Variants in ERC2 observed in about 807,000 individuals in gnomAD.
The protein encoded by ERC2 is ELKS/RAB6-interacting/CAST family member 2.
A neutral mutation model predicts 114.8 loss-of-function variants in ERC2; 42 were observed. The observed-to-expected ratio is 0.37, with a 90% CI of 0.29 to 0.47. The LOEUF (loss-of-function observed/expected upper bound fraction) is 0.47, where lower values mean the gene tolerates loss of function less well. Ranked by LOEUF, ERC2 falls within the 20% of genes least tolerant of loss-of-function variation. The probability of loss-of-function intolerance (pLI) is 0.99; values close to 1 mark genes in which losing one functional copy is unlikely to be tolerated. For synonymous variants in ERC2, 454 were observed against 425.5 expected, an observed-to-expected ratio of 1.07 and a Z score of -0.82; for missense variants, 939 against 1,150.7, an observed-to-expected ratio of 0.82 and a Z score of 2.66.
chr3:55,650,742 A>G (rs2060583432), intron 17 of ERC2, among the ~76,000 whole-genome samples: 1 of 152,186 alleles, frequency 6.6e-6, no homozygotes, highest in African/African-American at 2.4e-5. Context: ...ACCCCTTCAA[A>G]GTCCATGTCA....
chr3:56,168,557 T>C (rs1248692334), intron 4 of ERC2, among the ~76,000 whole-genome samples: 1 of 152,176 alleles, frequency 6.6e-6, no homozygotes, highest in Non-Finnish European at 1.5e-5. Flanking sequence ...AAGTTCATAA[T>C]GGGTATTGGG....
Position 56,144,525 on chromosome 3 carries a change from A to T in ERC2, c.1305+4452T>A, listed in dbSNP as rs1041781368. Among the ~76,000 whole-genome samples, 30 of 152,156 alleles carry T rather than the reference A, an allele frequency of 2.0e-4. 1 individual carries two copies. Among genetic ancestry groups the T allele is most frequent in the Admixed American group, 2.0e-3 (30 of 15,274 alleles). On this transcript the variant is annotated intron_variant, in intron 5 of 17. Transcript: ENST00000288221. ...GCAAAGATGATGTTTATAGTGAAAA[A>T]ACCGATTCGTGCTAACTTCTACAAA...
intron 13 of ERC2, among the ~76,000 whole-genome samples, chr3:55,949,361 C>G (rs1279960539): frequency 6.6e-6 from 1 of 151,608 alleles, no homozygotes; most frequent in Non-Finnish European, 1.5e-5. Flanking sequence ...CAGGGGGAGA[C>G]TCCATCTCAA....
chr3:56,395,630 G>A (rs2060278412), intron 2 of ERC2, among the ~76,000 whole-genome samples: 1 of 152,144 alleles, frequency 6.6e-6, no homozygotes, highest in African/African-American at 2.4e-5. Flanking sequence ...CATGTGATGT[G>A]CCCCTTTTCC....
intron 7 of ERC2, among the ~76,000 whole-genome samples, chr3:56,048,251 C>A (rs2075578565): frequency 6.6e-6 from 1 of 152,152 alleles, no homozygotes; most frequent in Admixed American, 6.5e-5. Context: ...AAGCCAAGAG[C>A]AAGATCTCCC....
intron 12 of ERC2, among the ~76,000 whole-genome samples, chr3:55,972,157 C>T (rs1576410230): frequency 6.6e-6 from 1 of 152,028 alleles, no homozygotes; most frequent in East Asian, 1.9e-4. Flanking sequence ...GCATTGAGAA[C>T]ACAAAAACAA....
chr3:56,060,178 C>T (rs2076188219), intron 7 of ERC2, among the ~76,000 whole-genome samples: 1 of 152,190 alleles, frequency 6.6e-6, no homozygotes, highest in Non-Finnish European at 1.5e-5. Flanking sequence ...TATGTTTGCT[C>T]AATGAACACA....
chr3:55,943,587 T>C (rs1054616232), intron 13 of ERC2, among the ~76,000 whole-genome samples: 5 of 152,192 alleles, frequency 3.3e-5, no homozygotes, highest in East Asian at 1.9e-4. Context: ...CACTGAACAA[T>C]TGTCTGACTC....
chr3:56,165,704 G>A (rs2082290185), intron 4 of ERC2, among the ~76,000 whole-genome samples: 1 of 151,892 alleles, frequency 6.6e-6, no homozygotes, highest in African/African-American at 2.4e-5. Flanking sequence ...ACCAGTGTAA[G>A]TGATATTGTT....
chr3:56,101,642 C>G (rs2078364893), intron 6 of ERC2, among the ~76,000 whole-genome samples: 1 of 152,156 alleles, frequency 6.6e-6, no homozygotes, highest in Non-Finnish European at 1.5e-5. Flanking sequence ...ACTGAAGGAC[C>G]TGAAAAATGT....
intron 2 of ERC2, among the ~76,000 whole-genome samples, chr3:56,416,543 C>A (rs1256480492): frequency 3.3e-5 from 5 of 151,988 alleles, no homozygotes; most frequent in African/African-American, 9.7e-5. Context: ...TCCACCCTAA[C>A]CATGCCATGA....
chr3:55,856,280 G>A lies in ERC2; in HGVS notation c.2564+32109C>T, dbSNP rs991826931. 3.3e-5 allele frequency among the ~76,000 whole-genome samples: 5 copies of A among 152,176 alleles called. No homozygotes were observed. In the East Asian group the frequency reaches 7.7e-4, roughly 23 times the overall value. On this transcript the variant is annotated intron_variant, in intron 14 of 17. Transcript: ENST00000288221. ...GAACAGCTCTCTTGCTTGAGTGATC[G>A]ATCTGCTAGGGCATATTCCACCCAG...
At chr3:55,761,292 CAGG>C (rs907870377) in intron 14 of ERC2, among the ~76,000 whole-genome samples, 1 of 152,144 alleles carries the variant, frequency 6.6e-6, no homozygotes, top group Non-Finnish European at 1.5e-5. Flanking sequence ...AATAAAAATA[CAGG>C]AGTTCAGTTA....
chr3:55,784,772 G>A (rs1218853060), intron 14 of ERC2, among the ~76,000 whole-genome samples: 1 of 152,194 alleles, frequency 6.6e-6, no homozygotes, highest in Non-Finnish European at 1.5e-5. Context: ...GAAGCCAACT[G>A]GGAGACATGC....
Position 56,189,059 on chromosome 3 carries a change from G to A in ERC2, c.1075-15539C>T, listed in dbSNP as rs539965480. ...CACCAATCTTATCCCCAGTTTTCAG[G>A]AGGAAACCAGAGTCTTGAAGAGGTT... On this transcript the variant is annotated intron_variant, in intron 3 of 17. Coordinates refer to ENST00000288221, the MANE Select transcript of ERC2 (RefSeq NM_015576.3). Among the ~76,000 whole-genome samples the A allele has an allele frequency of 2.0e-5, 3 of 150,440 alleles. No homozygotes were observed. In the East Asian group the frequency reaches 5.9e-4, roughly 30 times the overall value.
chr3:56,437,778 A>G (rs1461752449), intron 1 of ERC2, among the ~76,000 whole-genome samples: 3 of 152,260 alleles, frequency 2.0e-5, no homozygotes, highest in African/African-American at 7.2e-5. Context: ...GACATAAATG[A>G]TAAGAGAGAC....
chr3:56,074,158 A>T (rs2076866293), intron 7 of ERC2, among the ~76,000 whole-genome samples: 2 of 152,174 alleles, frequency 1.3e-5, no homozygotes, highest in South Asian at 4.1e-4. Flanking sequence ...TGAGGGAAGC[A>T]GGATCATAAA....
chr3:56,341,129 A>T lies in ERC2; in HGVS notation c.658-44694T>A, dbSNP rs1560625593. Reference sequence around the variant, plus strand: ...GACTGTTATTTAAAAATTAAAACAGATTTGCAATTAATACTTAATGTGACA... The same window carrying T: ...GACTGTTATTTAAAAATTAAAACAGTTTTGCAATTAATACTTAATGTGACA... On this transcript the variant is annotated intron_variant, in intron 2 of 17. Transcript: ENST00000288221. Among the ~76,000 whole-genome samples, 5 of 152,296 alleles carry T rather than the reference A, an allele frequency of 3.3e-5. No individual in the cohort carries two copies. The East Asian group carries it at 7.7e-4, about 24-fold the overall frequency.
chr3:55,764,182 A>G (rs1397647161), intron 14 of ERC2, among the ~76,000 whole-genome samples: 2 of 152,236 alleles, frequency 1.3e-5, no homozygotes, highest in Admixed American at 6.5e-5. Context: ...CAAATTTTAA[A>G]AAAGTGTTTA....
Sources: gnomAD v4.1 joint callset for allele counts (sites outside exome capture counted in the v4.1 genomes callset) on GRCh38, gnomAD v4.1.1 for gene constraint, MANE v1.5 for transcripts, NCBI Gene and HGNC (gene_info 2026-07-23, HGNC 2026-07-21) for gene names.